Variants in EML4 observed in about 807,000 individuals in gnomAD.
EML4 encodes echinoderm microtubule-associated protein-like 4.
In EML4, 72 loss-of-function variants were observed where a neutral mutation model predicts 129.0. The ratio of observed to expected loss-of-function variants is 0.56; its 90% CI spans 0.46 to 0.68. The LOEUF is 0.68. Among genes scored for constraint, EML4 ranks in the 30% least tolerant of loss-of-function variants. EML4 has a pLI of 0.00. For synonymous variants in EML4, 532 were observed against 405.0 expected, an observed-to-expected ratio of 1.31 and a Z score of -3.77; for missense variants, 1,363 against 1,190.6, an observed-to-expected ratio of 1.14 and a Z score of -2.13.
chr2:42,248,308 C>A (rs185030422), intron 2 of EML4, among the ~76,000 whole-genome samples: 1 of 152,086 alleles, frequency 6.6e-6, no homozygotes, highest in East Asian at 1.9e-4. Flanking sequence ...GATATTTTCT[C>A]TCATATTGTA....
At chr2:42,211,149 T>G (rs923735780) in intron 1 of EML4, among the ~76,000 whole-genome samples, 5 of 152,188 alleles carry the variant, frequency 3.3e-5, no homozygotes, top group African/African-American at 1.2e-4. Context: ...CCACAGTAGA[T>G]AGTGTGGAAC....
chr2:42,264,876 C>A (rs1328864761), intron 6 of EML4, 145 bp downstream of exon 6: 21 of 1,544,408 alleles, frequency 1.4e-5, no homozygotes, highest in African/African-American at 4.1e-5. Context: ...TAGGAAAAAA[C>A]CCAGTTTTTA....
Position 42,330,724 on chromosome 2 carries a change from C to T in EML4, c.*517C>T, listed in dbSNP as rs959272653. 9 of 229,372 alleles carry T rather than the reference C, an allele frequency of 3.9e-5. No individual in the cohort carries two copies. The East Asian group carries it at 4.1e-4, about 11-fold the overall frequency. 14.2% of individuals were successfully genotyped at this position (229,372 alleles called of 1,614,324 possible). The stretch of plus-strand genomic sequence containing the variant: ...ATGGAAAATTTTTAATTAAGAAAAA[C>T]TTCAGTTTTGCCAAGTGCAATGGTG... On this transcript the variant is annotated 3_prime_UTR_variant, in exon 23 of 23. Coordinates refer to ENST00000318522, the MANE Select transcript of EML4 (RefSeq NM_019063.5).
chr2:42,202,281 C>T (rs1371164506), intron 1 of EML4, among the ~76,000 whole-genome samples: 1 of 152,062 alleles, frequency 6.6e-6, no homozygotes, highest in African/African-American at 2.4e-5. Context: ...TGGCTCACAC[C>T]TATAATCTCA....
At chr2:42,303,288 A>G (rs146344510) in intron 15 of EML4, 27 bp from the exon 16 acceptor site, 1 of 1,614,090 alleles carries the variant, frequency 6.2e-7, no homozygotes, top group East Asian at 2.2e-5. Context: ...TTTGGTTCTT[A>G]TAACAATGAG....
chr2:42,276,031 A>T (rs1258553567), intron 6 of EML4, among the ~76,000 whole-genome samples: 1 of 152,160 alleles, frequency 6.6e-6, no homozygotes, highest in Non-Finnish European at 1.5e-5. Context: ...TGATTGTAAG[A>T]TCAAGAAGCC....
In EML4 at chr2:42,268,706, A is replaced by C. The variant is rs1438361560; in HGVS notation, c.667+3975A>C. ...TCCCATCTCTACCTCCCAAAGCGTTAGGATTATAGCTGTGAGCCGCCGCAC... is the reference window on the plus strand; with the variant it reads ...TCCCATCTCTACCTCCCAAAGCGTTCGGATTATAGCTGTGAGCCGCCGCAC... On this transcript the variant is annotated intron_variant, in intron 6 of 22. Coordinates refer to ENST00000318522, the MANE Select transcript of EML4 (RefSeq NM_019063.5). Among the ~76,000 whole-genome samples the C allele has an allele frequency of 7.2e-5, 11 of 152,328 alleles. No homozygotes were observed. The East Asian group carries it at 2.1e-3, about 29-fold the overall frequency.
chr2:42,328,965 C>G lies in EML4; in HGVS notation c.2421C>G (p.Ala807=), dbSNP rs147700887. The change falls in exon 22 of 23, where the codon GCC becomes GCG. Residue 807 remains alanine (A), a synonymous_variant. Transcript: ENST00000318522. ...ACAATAGAAAGGTGATAGCTGTTGC[C>G]GATGACTTTTGTAAAGTCCATCTGT... ...RSHNRKVIAV[A]DDFCKVHLFQ... 1.2e-6 allele frequency: 2 copies of G among 1,613,162 alleles called. No homozygotes were observed. Among genetic ancestry groups the G allele is most frequent in the African/African-American group, 2.7e-5 (2 of 74,874 alleles).
intron 1 of EML4, among the ~76,000 whole-genome samples, chr2:42,200,186 A>ATGG (rs1672140130): frequency 6.7e-6 from 1 of 150,100 alleles, no homozygotes; most frequent in Admixed American, 6.6e-5. Flanking sequence ...TTAGCTGGAC[A>ATGG]TGGTGGTGGG....
At chr2:42,299,063 T>C (rs1666718358) in intron 13 of EML4, among the ~76,000 whole-genome samples, 2 of 152,196 alleles carry the variant, frequency 1.3e-5, no homozygotes, top group African/African-American at 4.8e-5. Context: ...AACACAGTTG[T>C]GTTGTTCAAT....
chr2:42,212,689 A>G (rs533771469), intron 1 of EML4, among the ~76,000 whole-genome samples: 2 of 152,236 alleles, frequency 1.3e-5, no homozygotes, highest in Non-Finnish European at 2.9e-5. Context: ...ATTCACTGCT[A>G]CAGTAAGGCA....
chr2:42,219,886 A>G (rs1279401231), intron 1 of EML4, among the ~76,000 whole-genome samples: 1 of 148,122 alleles, frequency 6.8e-6, no homozygotes, highest in African/African-American at 2.6e-5. Flanking sequence ...AGATCGTGCT[A>G]CTGCAGTGCA....
intron 1 of EML4, among the ~76,000 whole-genome samples, chr2:42,215,795 T>C (rs893874620): frequency 2.0e-5 from 3 of 152,232 alleles, no homozygotes; most frequent in Non-Finnish European, 2.9e-5. Flanking sequence ...TGAGAACTTA[T>C]TTCCTTAGAA....
At chr2:42,325,270 A>C in intron 19 of EML4, 197 bp from the exon 20 acceptor site, 1 of 618,858 alleles carries the variant, frequency 1.6e-6, no homozygotes. Context: ...GTATCTAGAT[A>C]GGCCAGAAAG....
In EML4 at chr2:42,311,984, G is replaced by A. The variant is rs890357273; in HGVS notation, c.1968-3978G>A. 4.6e-5 allele frequency among the ~76,000 whole-genome samples: 7 copies of A among 152,150 alleles called. No individual in the cohort carries two copies. The South Asian group carries it at 1.5e-3, about 32-fold the overall frequency. On this transcript the variant is annotated intron_variant, in intron 17 of 22. Coordinates refer to ENST00000318522, the MANE Select transcript of EML4 (RefSeq NM_019063.5). Reference sequence around the variant, plus strand: ...CTCGGCCTCCCAAAGTGCTAGGATTGCAGACATGAGGCACCATGCCCGGCC... The same window carrying A: ...CTCGGCCTCCCAAAGTGCTAGGATTACAGACATGAGGCACCATGCCCGGCC...
intron 1 of EML4, chr2:42,169,966 T>A (rs1670167667): frequency 7.0e-6 from 2 of 284,312 alleles, no homozygotes; most frequent in South Asian, 2.1e-4. Context: ...CTCCCTCCAC[T>A]TACCCCCCTT....
intron 1 of EML4, among the ~76,000 whole-genome samples, chr2:42,231,279 T>C (rs995096496): frequency 3.3e-5 from 5 of 152,248 alleles, no homozygotes; most frequent in African/African-American, 1.2e-4. Flanking sequence ...ACAGTTTTTA[T>C]TCTGTCTTCT....
At chr2:42,214,160 G>T (rs1415052454) in intron 1 of EML4, among the ~76,000 whole-genome samples, 1 of 152,170 alleles carries the variant, frequency 6.6e-6, no homozygotes, top group Admixed American at 6.5e-5. Flanking sequence ...TAAGACAACA[G>T]CTTGGGCGGG....
chr2:42,247,464 C>G (rs1406244570), intron 2 of EML4, among the ~76,000 whole-genome samples: 2 of 152,052 alleles, frequency 1.3e-5, no homozygotes, highest in Admixed American at 1.3e-4. Flanking sequence ...GATTCCCACT[C>G]TTTTCCCTCT....
Sources: gnomAD v4.1 joint callset for allele counts (sites outside exome capture counted in the v4.1 genomes callset) on GRCh38, gnomAD v4.1.1 for gene constraint, MANE v1.5 for transcripts, NCBI Gene and HGNC (gene_info 2026-07-23, HGNC 2026-07-21) for gene names.